The following MTOR variants were observed in gnomAD, a reference collection of about 807,000 sequenced individuals.
MTOR encodes mechanistic target of rapamycin kinase, also known as serine/threonine-protein kinase mTOR.
MTOR carries 70 observed loss-of-function variants against 319.8 expected under a neutral mutation model. That is an observed-to-expected ratio of 0.22 (90% CI 0.18 to 0.27). The LOEUF (loss-of-function observed/expected upper bound fraction) is 0.27. Among genes scored for constraint, MTOR ranks in the 10% least tolerant of loss-of-function variants. The probability of loss-of-function intolerance (pLI) is 1.00; values close to 1 mark genes in which losing one functional copy is unlikely to be tolerated. For missense variants in MTOR, 1,890 were observed against 3,274.4 expected (o/e 0.58, Z 10.32); for synonymous variants, 1,183 against 1,211.4 (o/e 0.98, Z 0.49).
chr1:11,166,025 A>G (rs1644633243), intron 29 of MTOR, among the ~76,000 whole-genome samples: 1 of 152,252 alleles, frequency 6.6e-6, no homozygotes, highest in Admixed American at 6.5e-5. Context: ...TGGTGCTGGG[A>G]AAACTGGCTA....
Position 11,128,455 on chromosome 1 carries a change from T to TG in MTOR, c.5908dup (p.Gln1970ProfsTer12), listed in dbSNP as rs144495690. 6.2e-7 allele frequency: 1 copy of TG among 1,613,828 alleles called. No homozygotes were observed. The highest frequency in any genetic ancestry group is 8.5e-7 in the Non-Finnish European group (1 of 1,179,898). Reference sequence around the variant, plus strand: ...AAACTGCCCAGAGTCTCCACATACCTGGGGGTGGTACCGACCAATGTCTGT... The same window carrying TG: ...AAACTGCCCAGAGTCTCCACATACCTGGGGGGTGGTACCGACCAATGTCTGT... On this transcript the variant is annotated frameshift_variant and splice_region_variant, in exon 42 of 58. Coordinates refer to ENST00000361445, the MANE Select transcript of MTOR (RefSeq NM_004958.4). LOFTEE classifies it high-confidence loss of function. This position sits in a 1 kb window ranked among gnomAD's most constrained non-coding sequence, Gnocchi z 5.3.
At chr1:11,202,253 T>C (rs4845855) in intron 26 of MTOR, among the ~76,000 whole-genome samples, 118,978 of 151,784 alleles carry the variant, frequency 0.78, 46,989 homozygotes, top group East Asian at 0.89. Flanking sequence ...CATGGTGAAA[T>C]CCCATCTCTA....
At chr1:11,213,353 A>T (rs370116841) in intron 21 of MTOR, 46 bp downstream of exon 21, 1 of 1,583,206 alleles carries the variant, frequency 6.3e-7, no homozygotes, top group Non-Finnish European at 8.6e-7. Context: ...CCAGGGACTC[A>T]GAGGAAATCA....
chr1:11,117,123 A>C, intron 49 of MTOR, 37 bp from the exon 50 acceptor site: 1 of 1,507,342 alleles, frequency 6.6e-7, no homozygotes, highest in Non-Finnish European at 9.1e-7. Flanking sequence ...ACGGTTCTGG[A>C]AACTTTAATT....
intron 30 of MTOR, among the ~76,000 whole-genome samples, chr1:11,154,672 T>C (rs1466638110): frequency 1.3e-5 from 2 of 152,040 alleles, no homozygotes; most frequent in African/African-American, 2.4e-5. Context: ...AATGAGACCC[T>C]ATCCCTACAA....
chr1:11,109,398 G>A lies in MTOR; in HGVS notation c.7448-28C>T, dbSNP rs1169916760. 6.2e-7 allele frequency: 1 copy of A among 1,602,794 alleles called. No individual in the cohort carries two copies. Among genetic ancestry groups the A allele is most frequent in the South Asian group, 1.1e-5 (1 of 90,634 alleles). On this transcript the variant is annotated intron_variant, in intron 55 of 57. Coordinates refer to ENST00000361445, the MANE Select transcript of MTOR (RefSeq NM_004958.4). This position sits in a 1 kb window ranked among gnomAD's most constrained non-coding sequence, Gnocchi z 4.0. ...GGAATACACAAAAGTAGAAATAACT[G>A]TAAGAATGGGAGCAATACAACAGGT...
At chr1:11,215,840 C>G (rs753268364) in intron 20 of MTOR, among the ~76,000 whole-genome samples, 1 of 152,170 alleles carries the variant, frequency 6.6e-6, no homozygotes, top group Non-Finnish European at 1.5e-5. Context: ...AATAGAAAAG[C>G]ACCCTTGTGA....
At position 11,207,597 on chromosome 1, in the gene MTOR, C is replaced by T. The variant is rs376749536; in HGVS notation, c.3801+1715G>A. Among the ~76,000 whole-genome samples, 78 of 121,700 alleles carry T rather than the reference C, an allele frequency of 6.4e-4. No homozygotes were observed. The East Asian group carries it at 7.4e-3, about 12-fold the overall frequency. The allele number at this position is 121,700 out of a possible 152,430, so 79.8% of individuals were successfully genotyped here. On this transcript the variant is annotated intron_variant, in intron 25 of 57. Transcript: ENST00000361445. Reference sequence around the variant, plus strand: ...CTAATTTTTAAAATTTTTTCAATTCCTTTTTTTTTTTTTTTTTTGAGACAG... The same window carrying T: ...CTAATTTTTAAAATTTTTTCAATTCTTTTTTTTTTTTTTTTTTTGAGACAG...
chr1:11,114,171 G>T (rs1178049219), intron 53 of MTOR, 147 bp downstream of exon 53: 3 of 900,172 alleles, frequency 3.3e-6, no homozygotes, highest in Admixed American at 2.7e-5. Flanking sequence ...AATTTTTTCA[G>T]TTTTTGCAGA....
At chr1:11,203,023 G>C (rs1646028683) in intron 26 of MTOR, among the ~76,000 whole-genome samples, 1 of 151,950 alleles carries the variant, frequency 6.6e-6, no homozygotes, top group Non-Finnish European at 1.5e-5. Flanking sequence ...GACCAGCCTG[G>C]CCAACATGGT....
At chr1:11,216,625 C>A in intron 19 of MTOR, among the ~76,000 whole-genome samples, 1 of 144,260 alleles carries the variant, frequency 6.9e-6, no homozygotes, top group Admixed American at 7.2e-5. Flanking sequence ...CTACAGAGTG[C>A]AGGGTGACAG....
rs1263118152 is a variant in MTOR at position 11,115,565 on chromosome 1, C to T, written c.7017-97G>A. On this transcript the variant is annotated intron_variant, in intron 50 of 57. Transcript: ENST00000361445. This position sits in a 1 kb window ranked among gnomAD's most constrained non-coding sequence, Gnocchi z 4.5. ...ATACTGTAAGCTAGGAGTTGGCAAACGATAGCCCTCAGCCAATCCAGCCCC... is the reference window on the plus strand; with the variant it reads ...ATACTGTAAGCTAGGAGTTGGCAAATGATAGCCCTCAGCCAATCCAGCCCC... 11 of 1,174,810 alleles carry T rather than the reference C, an allele frequency of 9.4e-6. No homozygotes were observed. Among genetic ancestry groups the T allele is most frequent in the East Asian group, 2.4e-5 (1 of 42,316 alleles). 72.8% of individuals were successfully genotyped at this position (1,174,810 alleles called of 1,614,324 possible).
intron 31 of MTOR, chr1:11,149,347 G>A (rs144860371): frequency 7.2e-5 from 11 of 152,270 alleles, no homozygotes; most frequent in Admixed American, 2.0e-4. Context: ...TCCAGGAAAG[G>A]TGAAGAGGTT....
At chr1:11,114,994 T>C (rs1349647873) in intron 51 of MTOR, 107 bp from the exon 52 acceptor site, 4 of 913,674 alleles carry the variant, frequency 4.4e-6, no homozygotes, top group South Asian at 1.4e-5. Context: ...ATTTTAATTA[T>C]AGCAGGGAAA....
chr1:11,118,339 C>T lies in MTOR; in HGVS notation c.6934-1253G>A, dbSNP rs185202919. On this transcript the variant is annotated intron_variant, in intron 49 of 57. Coordinates refer to ENST00000361445, the MANE Select transcript of MTOR (RefSeq NM_004958.4). ...GTAACCTCTGCCTCCCTGGTTCAAG[C>T]GATTCTCCTGCCTCAGCCTCCTGAG... Among the ~76,000 whole-genome samples, 320 of 122,820 alleles carry T rather than the reference C, an allele frequency of 2.6e-3. 1 individual carries two copies. Among genetic ancestry groups the T allele is most frequent in the African/African-American group, 8.6e-3 (309 of 36,070 alleles). The allele number at this position is 122,820 out of a possible 152,430, so 80.6% of individuals were successfully genotyped here. A position where few individuals can be genotyped will look rare whatever the true frequency, so the allele number is the denominator to read the frequency against.
rs758828647 is a variant in MTOR, at chr1:11,257,041, A to C, written c.396T>G (p.Arg132=). 5.0e-6 allele frequency: 8 copies of C among 1,614,172 alleles called. No individual in the cohort carries two copies. In the Admixed American group the frequency reaches 1.3e-4, roughly 27 times the overall value. Residue 132 remains arginine (R), a synonymous_variant, in exon 4 of 58, where the codon CGT becomes CGG. Transcript: ENST00000361445. ...VMEMASKAIG[R]LAMAGDTFTA... is the part of the protein sequence containing the mutation. Reference sequence around the variant, plus strand: ...TAAAAGTGTCCCCTGCCATGGCAAGACGGCCAATGGCCTTGGATGCCATTT... The same window carrying C: ...TAAAAGTGTCCCCTGCCATGGCAAGCCGGCCAATGGCCTTGGATGCCATTT...
At chr1:11,183,315 T>C (rs1645216147) in intron 28 of MTOR, among the ~76,000 whole-genome samples, 1 of 152,188 alleles carries the variant, frequency 6.6e-6, no homozygotes, top group South Asian at 2.1e-4. Flanking sequence ...TTTTTTCTTT[T>C]TGAGACAGAG....
At chr1:11,246,769 C>G (rs994858042) in intron 8 of MTOR, among the ~76,000 whole-genome samples, 19 of 152,160 alleles carry the variant, frequency 1.2e-4, no homozygotes, top group African/African-American at 4.3e-4. Context: ...AGACTGGGTG[C>G]CTACACTCAG....
At chr1:11,144,432 G>A in intron 34 of MTOR, 1 of 519,318 alleles carries the variant, frequency 1.9e-6, no homozygotes, top group Non-Finnish European at 3.5e-6. Flanking sequence ...CTAGAGAAGA[G>A]AATAAGAAGA....
Sources: allele counts gnomAD v4.1 joint callset (sites outside exome capture counted in the v4.1 genomes callset), GRCh38; gene constraint gnomAD v4.1.1; non-coding constraint Gnocchi (gnomAD v3.1); transcripts MANE v1.5; gene names NCBI Gene and HGNC (gene_info 2026-07-23, HGNC 2026-07-21).